Variants in NRG4 observed in about 807,000 individuals in gnomAD.
NRG4 encodes the protein neuregulin 4.
In NRG4, 10 loss-of-function variants were observed where a neutral mutation model predicts 15.0. That is an observed-to-expected ratio of 0.67 (90% CI 0.41 to 1.13). The LOEUF is 1.13. NRG4 is among the 50% of genes most tolerant of loss of function. The pLI is 0.00. For missense variants in NRG4, 139 were observed against 140.2 expected (o/e 0.99, Z 0.04); for synonymous variants, 41 against 50.1 (o/e 0.82, Z 0.77).
chr15:75,957,444 T>C (rs1418717496), intron 4 of NRG4, among the ~76,000 whole-genome samples: 2 of 152,240 alleles, frequency 1.3e-5, no homozygotes, highest in African/African-American at 4.8e-5. Context: ...TCTTCTAGTT[T>C]TGCTTCTTTC....
rs185552785 is a variant in NRG4, at chr15:75,943,300, A to G, written c.*338T>C. The G allele has an allele frequency of 3.6e-4, 86 of 240,580 alleles. No homozygotes were observed. Among genetic ancestry groups the G allele is most frequent in the African/African-American group, 1.8e-3 (82 of 44,946 alleles). 14.9% of individuals were successfully genotyped at this position (240,580 alleles called of 1,614,324 possible). On this transcript the variant is annotated 3_prime_UTR_variant, in exon 6 of 6. Coordinates refer to ENST00000394907, the MANE Select transcript of NRG4 (RefSeq NM_138573.4). ...ATTTAAAGGGTTTTCATCCTTTTTC[A>G]TAAGATCTTCATATATCCCTTAGGG...
chr15:75,968,101 C>A (rs1310400656), intron 3 of NRG4, among the ~76,000 whole-genome samples: 1 of 152,168 alleles, frequency 6.6e-6, no homozygotes, highest in Non-Finnish European at 1.5e-5. Context: ...TAGTCTTTTC[C>A]AATGGAGACT....
intron 3 of NRG4, among the ~76,000 whole-genome samples, chr15:75,968,857 T>C (rs1271438261): frequency 6.6e-6 from 1 of 152,218 alleles, no homozygotes; most frequent in African/African-American, 2.4e-5. Context: ...TATAGACTTG[T>C]ATATACAAAG....
chr15:75,949,104 C>A (rs941654678), intron 5 of NRG4, among the ~76,000 whole-genome samples: 2 of 152,126 alleles, frequency 1.3e-5, no homozygotes, highest in Admixed American at 6.5e-5. Context: ...CAGAATTGTG[C>A]AATCACCACC....
intron 5 of NRG4, chr15:75,950,432 T>A: frequency 4.7e-6 from 1 of 212,912 alleles, no homozygotes. Flanking sequence ...GCTGTGGCAG[T>A]CGAGCCTCTC....
intron 3 of NRG4, among the ~76,000 whole-genome samples, chr15:75,965,509 T>A (rs1335205269): frequency 6.6e-6 from 1 of 152,230 alleles, no homozygotes; most frequent in Non-Finnish European, 1.5e-5. Context: ...ATCTTATCAT[T>A]GTTAGGTCAA....
At chr15:75,936,012 C>T (rs537571008), downstream of NRG4, 1 of 152,312 alleles carries the variant, frequency 6.6e-6, no homozygotes, top group East Asian at 1.9e-4. Flanking sequence ...TGGTCTCGAT[C>T]TCCTGACCTT....
chr15:76,037,046 T>C (rs2035611954), intron 4 of NRG4, among the ~76,000 whole-genome samples: 1 of 151,970 alleles, frequency 6.6e-6, no homozygotes, highest in South Asian at 2.1e-4. Flanking sequence ...AGTTGCAGGA[T>C]ACAAAAATCA....
chr15:75,941,335 T>C lies in NRG4; in HGVS notation c.*2303A>G, dbSNP rs932188489. On this transcript the variant is annotated 3_prime_UTR_variant, in exon 6 of 6. Transcript: ENST00000394907. ...GGAACTCTTATTACTGATGGAAATA[T>C]AGTGGTATGCAGCTGCTGTAGAAAA... is the stretch of plus-strand genomic sequence containing the variant. 6.6e-6 allele frequency: 1 copy of C among 152,294 alleles called. No homozygotes were observed. The highest frequency in any genetic ancestry group is 1.5e-5 in the Non-Finnish European group (1 of 67,986). 9.4% of individuals were successfully genotyped at this position (152,294 alleles called of 1,614,324 possible).
At chr15:75,959,677 A>G (rs1342730759) in intron 4 of NRG4, among the ~76,000 whole-genome samples, 1 of 150,418 alleles carries the variant, frequency 6.6e-6, no homozygotes, top group Non-Finnish European at 1.5e-5. Flanking sequence ...TTTATTTTTC[A>G]TTTTGTAGAG....
chr15:75,978,135 A>G (rs928951516), intron 3 of NRG4, among the ~76,000 whole-genome samples: 1 of 152,104 alleles, frequency 6.6e-6, no homozygotes, highest in Non-Finnish European at 1.5e-5. Flanking sequence ...CTATTTTGAA[A>G]TATACAATAA....
At chr15:75,953,074 A>G (rs2032008204) in intron 5 of NRG4, among the ~76,000 whole-genome samples, 2 of 152,314 alleles carry the variant, frequency 1.3e-5, no homozygotes, top group African/African-American at 2.4e-5. Context: ...TTTTAGAATC[A>G]TAACTCAGAA....
At chr15:75,956,085 AG>A in intron 4 of NRG4, 74 bp from the exon 5 acceptor site, 4 of 729,444 alleles carry the variant, frequency 5.5e-6, no homozygotes, top group Non-Finnish European at 8.6e-6. Flanking sequence ...CTAGAAAGAA[AG>A]TTTTTTTTTT....
At chr15:76,055,236 T>C in intron 2 of NRG4, among the ~76,000 whole-genome samples, 1 of 152,194 alleles carries the variant, frequency 6.6e-6, no homozygotes, top group East Asian at 1.9e-4. Context: ...TGAGCCCAGA[T>C]TGTGCCACTG....
intron 4 of NRG4, among the ~76,000 whole-genome samples, chr15:76,039,898 G>T (rs1420987665): frequency 6.6e-6 from 1 of 152,060 alleles, no homozygotes; most frequent in African/African-American, 2.4e-5. Flanking sequence ...GCTGGGCGTG[G>T]TGGCACACAC....
chr15:76,020,086 A>G (rs1176567363), intron 5 of NRG4, among the ~76,000 whole-genome samples: 1 of 152,108 alleles, frequency 6.6e-6, no homozygotes, highest in Non-Finnish European at 1.5e-5. Flanking sequence ...TGATGTTACT[A>G]TTGTAATTGT....
chr15:75,983,234 C>T (rs1483661080), intron 3 of NRG4, among the ~76,000 whole-genome samples: 3 of 152,064 alleles, frequency 2.0e-5, no homozygotes, highest in Admixed American at 2.0e-4. Flanking sequence ...ATTTACAATG[C>T]ATAAAAAGTC....
At chr15:75,979,615 C>T (rs905358987) in intron 3 of NRG4, among the ~76,000 whole-genome samples, 1 of 151,998 alleles carries the variant, frequency 6.6e-6, no homozygotes, top group Non-Finnish European at 1.5e-5. Flanking sequence ...AAAATGCTGG[C>T]CCCAAAAAAT....
chr15:75,964,286 C>T (rs1398147999), intron 3 of NRG4, among the ~76,000 whole-genome samples: 3 of 152,006 alleles, frequency 2.0e-5, no homozygotes, highest in Admixed American at 6.6e-5. Flanking sequence ...GGGTGCTAAA[C>T]GGTTTTCAAA....
Sources: gnomAD v4.1 joint callset for allele counts (sites outside exome capture counted in the v4.1 genomes callset) on GRCh38, gnomAD v4.1.1 for gene constraint, MANE v1.5 for transcripts, NCBI Gene and HGNC (gene_info 2026-07-23, HGNC 2026-07-21) for gene names.